Variants in UGT1A8 observed in about 807,000 individuals in gnomAD.
The protein encoded by UGT1A8 is UDP-glucuronosyltransferase 1A8.
Under a neutral mutation model 45.3 loss-of-function variants are expected in UGT1A8, and 39 were observed. The ratio of observed to expected loss-of-function variants is 0.86; its 90% CI spans 0.67 to 1.12. The LOEUF is 1.12. Among genes scored for constraint, UGT1A8 ranks in the 50% most tolerant of loss-of-function variants. UGT1A8 has a pLI of 0.00. For synonymous variants in UGT1A8, 275 were observed against 249.2 expected (o/e 1.10, Z -0.97); for missense variants, 719 against 664.9 (o/e 1.08, Z -0.90).
intron 1 of UGT1A8, among the ~76,000 whole-genome samples, chr2:233,624,727 T>A (rs543671201): frequency 1.3e-5 from 2 of 152,254 alleles, no homozygotes; most frequent in South Asian, 4.1e-4. Context: ...TGATTGGGAT[T>A]GTATTGAATT....
At chr2:233,640,245 G>A (rs1285666325) in intron 1 of UGT1A8, among the ~76,000 whole-genome samples, 1 of 152,138 alleles carries the variant, frequency 6.6e-6, no homozygotes, top group African/African-American at 2.4e-5. Context: ...ATGTGCACCT[G>A]TATATCAATC....
chr2:233,697,795 A>AT (rs912508781), intron 1 of UGT1A8, among the ~76,000 whole-genome samples: 1 of 152,102 alleles, frequency 6.6e-6, no homozygotes, highest in Non-Finnish European at 1.5e-5. Flanking sequence ...GTTTCAAGTA[A>AT]TTTTTAAATT....
At position 233,617,700 on chromosome 2, in the gene UGT1A8, G is replaced by A. The variant is rs777448070; in HGVS notation, c.-8G>A. ...ATCCCAGCTGCTGGCTCGGGCTGCAGTTCTCTCATGGCTCGCACAGGGTGG... is the reference window on the plus strand; with the variant it reads ...ATCCCAGCTGCTGGCTCGGGCTGCAATTCTCTCATGGCTCGCACAGGGTGG... On this transcript the variant is annotated 5_prime_UTR_variant, in exon 1 of 5. Transcript: ENST00000373450. The A allele has an allele frequency of 1.1e-5, 18 of 1,609,132 alleles. No homozygotes were observed. The highest frequency in any genetic ancestry group is 1.4e-5 in the Non-Finnish European group (17 of 1,176,916).
intron 1 of UGT1A8, among the ~76,000 whole-genome samples, chr2:233,656,437 T>C (rs2125482639): frequency 6.6e-6 from 1 of 152,360 alleles, no homozygotes. Flanking sequence ...AGTTAGTCAG[T>C]GTCCGGTGGA....
At chr2:233,714,600 T>C (rs1271124758) in intron 1 of UGT1A8, among the ~76,000 whole-genome samples, 1 of 152,252 alleles carries the variant, frequency 6.6e-6, no homozygotes, top group East Asian at 1.9e-4. Flanking sequence ...CTAGTGGGCA[T>C]GTTAAACACC....
At chr2:233,716,406 A>T (rs2076503195) in intron 1 of UGT1A8, among the ~76,000 whole-genome samples, 1 of 152,042 alleles carries the variant, frequency 6.6e-6, no homozygotes, top group African/African-American at 2.4e-5. Flanking sequence ...TTAAAGTGAA[A>T]CCCACATCTT....
At chr2:233,699,966 C>T (rs952923165) in intron 1 of UGT1A8, among the ~76,000 whole-genome samples, 4 of 152,164 alleles carry the variant, frequency 2.6e-5, no homozygotes, top group Middle Eastern at 3.2e-3. Flanking sequence ...AAATACCCGT[C>T]CCCCAACTCC....
chr2:233,672,863 G>T (rs930073132), intron 1 of UGT1A8: 33 of 1,523,222 alleles, frequency 2.2e-5, no homozygotes, highest in Non-Finnish European at 2.8e-5. Context: ...TTACTGAACT[G>T]TGATTTGACA....
chr2:233,755,000 G>C, intron 1 of UGT1A8: 1 of 1,293,096 alleles, frequency 7.7e-7, no homozygotes, highest in Non-Finnish European at 1.0e-6. Flanking sequence ...GGAAGCTGAA[G>C]ACCTACTCGA....
chr2:233,690,459 C>A, intron 1 of UGT1A8: 1 of 1,288,310 alleles, frequency 7.8e-7, no homozygotes, highest in Non-Finnish European at 1.0e-6. Context: ...AAAATGCCAG[C>A]TATCCTCCAT....
chr2:233,751,523 AT>A (rs1694748821), intron 1 of UGT1A8, among the ~76,000 whole-genome samples: 1 of 152,210 alleles, frequency 6.6e-6, no homozygotes, highest in Admixed American at 6.5e-5. Context: ...GCAGAATGAT[AT>A]GGTTTGACTC....
At chr2:233,669,795 T>C (rs931224697) in intron 1 of UGT1A8, among the ~76,000 whole-genome samples, 9 of 152,124 alleles carry the variant, frequency 5.9e-5, no homozygotes, top group Admixed American at 1.3e-4. Context: ...GTGATTCTCC[T>C]GCCTCAGCCT....
intron 1 of UGT1A8, among the ~76,000 whole-genome samples, chr2:233,710,616 A>C (rs1449107430): frequency 1.3e-5 from 2 of 152,084 alleles, no homozygotes; most frequent in African/African-American, 4.8e-5. Flanking sequence ...TTGTCTTCTT[A>C]TATTTGAGTA....
chr2:233,667,447 A>G (rs2074101930), intron 1 of UGT1A8, among the ~76,000 whole-genome samples: 1 of 152,236 alleles, frequency 6.6e-6, no homozygotes, highest in Non-Finnish European at 1.5e-5. Context: ...AAACCTAGGC[A>G]TTACCATTCA....
rs111515388 is a variant in UGT1A8, at chr2:233,656,424, G to A, written c.855+37862G>A. On this transcript the variant is annotated intron_variant, in intron 1 of 4. Transcript: ENST00000373450. Reference sequence around the variant, plus strand: ...GTGGCTTATGGAACAAGGAATGGACGTCAGTTAGTCAGTGTCCGGTGGAGG... The same window carrying A: ...GTGGCTTATGGAACAAGGAATGGACATCAGTTAGTCAGTGTCCGGTGGAGG... Among the ~76,000 whole-genome samples the A allele has an allele frequency of 3.4e-3, 525 of 152,312 alleles. 3 individuals carry two copies. The highest frequency in any genetic ancestry group is 0.012 in the African/African-American group (506 of 41,566).
intron 1 of UGT1A8, among the ~76,000 whole-genome samples, chr2:233,727,772 CAGTAGACG>C (rs1364688082): frequency 6.6e-6 from 1 of 152,208 alleles, no homozygotes; most frequent in Non-Finnish European, 1.5e-5. Context: ...GGGTGTCCCC[CAGTAGACG>C]CTTCCATTCA....
intron 1 of UGT1A8, chr2:233,756,058 T>C (rs1696106057): frequency 6.6e-6 from 1 of 152,218 alleles, no homozygotes; most frequent in Admixed American, 6.5e-5. Context: ...CACTGTACAC[T>C]TGTGGGAGAA....
At chr2:233,633,336 TGGA>T (rs2073224768) in intron 1 of UGT1A8, among the ~76,000 whole-genome samples, 1 of 152,168 alleles carries the variant, frequency 6.6e-6, no homozygotes, top group African/African-American at 2.4e-5. Context: ...AAATGAGTTA[TGGA>T]GGAGTCCCTC....
chr2:233,761,272 T>C (rs1697733623), intron 1 of UGT1A8: 1 of 1,579,126 alleles, frequency 6.3e-7, no homozygotes, highest in African/African-American at 1.3e-5. Flanking sequence ...AATGCCCTCT[T>C]TTGTTAATTT....
Sources: allele counts gnomAD v4.1 joint callset (sites outside exome capture counted in the v4.1 genomes callset), GRCh38; gene constraint gnomAD v4.1.1; transcripts MANE v1.5; gene names NCBI Gene and HGNC (gene_info 2026-07-23, HGNC 2026-07-21).